The following CNTN4 variants were observed in gnomAD, a reference collection of about 807,000 sequenced individuals.
CNTN4 encodes contactin-4.
A neutral mutation model predicts 122.5 loss-of-function variants in CNTN4; 77 were observed. The ratio of observed to expected loss-of-function variants is 0.63; its 90% CI spans 0.52 to 0.76. CNTN4 has a LOEUF of 0.76. CNTN4 is among the 30% of genes least tolerant of loss of function. The pLI, the probability that CNTN4 is intolerant of heterozygous loss-of-function variation, is 0.00. For synonymous variants in CNTN4, 512 were observed against 447.0 expected, an observed-to-expected ratio of 1.15 and a Z score of -1.83; for missense variants, 1,256 against 1,259.1, an observed-to-expected ratio of 1.00 and a Z score of 0.04.
At chr3:2,100,066 C>G (rs551612566) in intron 1 of CNTN4, among the ~76,000 whole-genome samples, 1 of 152,162 alleles carries the variant, frequency 6.6e-6, no homozygotes, top group Admixed American at 6.5e-5. Flanking sequence ...TCTGCAGATT[C>G]GGTGCGAAGA....
At chr3:2,479,768 G>A (rs542097893) in intron 3 of CNTN4, among the ~76,000 whole-genome samples, 2 of 152,100 alleles carry the variant, frequency 1.3e-5, no homozygotes, top group Non-Finnish European at 2.9e-5. Context: ...GATTTGGACG[G>A]GTGAGCGTGT....
chr3:2,155,203 G>GTC (rs774587982), intron 2 of CNTN4, among the ~76,000 whole-genome samples: 7 of 152,204 alleles, frequency 4.6e-5, no homozygotes, highest in Non-Finnish European at 8.8e-5. Context: ...TCCCATCTCT[G>GTC]TCTCTCTCTA....
intron 4 of CNTN4, among the ~76,000 whole-genome samples, chr3:2,600,176 ATTATATGATTG>A (rs1488415384): frequency 6.6e-6 from 1 of 151,544 alleles, no homozygotes; most frequent in Non-Finnish European, 1.5e-5. Flanking sequence ...TGGGGCTCTA[ATTATATGATTG>A]TTAGACCTTG....
intron 2 of CNTN4, among the ~76,000 whole-genome samples, chr3:2,289,047 C>A (rs2042041804): frequency 6.6e-6 from 1 of 152,110 alleles, no homozygotes; most frequent in South Asian, 2.1e-4. Context: ...TGGAGCTTGG[C>A]CCTATATTCT....
intron 4 of CNTN4, among the ~76,000 whole-genome samples, chr3:2,698,087 G>A (rs12330377): frequency 0.019 from 2,957 of 152,262 alleles, 105 homozygotes; most frequent in African/African-American, 0.067. Flanking sequence ...TGAAAACGCC[G>A]TGGCTAATCT....
chr3:2,950,751 A>G (rs545223858), intron 13 of CNTN4, among the ~76,000 whole-genome samples: 1 of 152,344 alleles, frequency 6.6e-6, no homozygotes, highest in African/African-American at 2.4e-5. Context: ...TTTTAACTCT[A>G]TATGGAGACC....
chr3:2,740,031 T>C (rs2089370279), intron 5 of CNTN4, among the ~76,000 whole-genome samples: 2 of 145,134 alleles, frequency 1.4e-5, no homozygotes, highest in Middle Eastern at 6.9e-3. Flanking sequence ...TCCAAGTACC[T>C]TTTTTTTTCC....
chr3:2,316,386 A>G (rs1395617643), intron 2 of CNTN4, among the ~76,000 whole-genome samples: 1 of 152,116 alleles, frequency 6.6e-6, no homozygotes. Flanking sequence ...AGCTCAAATT[A>G]CACTAAATGA....
At chr3:2,881,121 G>A (rs1190098747) in intron 8 of CNTN4, among the ~76,000 whole-genome samples, 1 of 152,192 alleles carries the variant, frequency 6.6e-6, no homozygotes, top group Non-Finnish European at 1.5e-5. Flanking sequence ...AGCAAAGTTA[G>A]CTAGACTGTA....
intron 13 of CNTN4, among the ~76,000 whole-genome samples, chr3:2,948,885 A>G (rs77123442): frequency 1.3e-5 from 2 of 152,160 alleles, no homozygotes; most frequent in Admixed American, 6.5e-5. Flanking sequence ...GTATTAGACC[A>G]TTTTTAAAAA....
chr3:2,281,523 G>A (rs2041712448), intron 2 of CNTN4, among the ~76,000 whole-genome samples: 1 of 152,060 alleles, frequency 6.6e-6, no homozygotes, highest in South Asian at 2.1e-4. Flanking sequence ...CCTGGCCACT[G>A]TTGAGTTATT....
intron 2 of CNTN4, among the ~76,000 whole-genome samples, chr3:2,149,578 C>T (rs1334346264): frequency 6.6e-6 from 1 of 152,114 alleles, no homozygotes; most frequent in Non-Finnish European, 1.5e-5. Context: ...CATTCTGTAA[C>T]ACTATTTGAT....
intron 14 of CNTN4, chr3:2,998,926 T>TAA (rs1023245966): frequency 5.3e-5 from 8 of 152,222 alleles, no homozygotes; most frequent in Non-Finnish European, 5.9e-5. Context: ...GAAAAGTAGT[T>TAA]ATCACCAGCA....
At chr3:2,358,734 GTAT>G (rs1406190418) in intron 3 of CNTN4, among the ~76,000 whole-genome samples, 3 of 152,060 alleles carry the variant, frequency 2.0e-5, no homozygotes, top group African/African-American at 7.2e-5. Flanking sequence ...AGCTAAAACG[GTAT>G]TATTAATGTC....
At chr3:3,055,160 T>A (rs553912727) in intron 24 of CNTN4, among the ~76,000 whole-genome samples, 1 of 152,178 alleles carries the variant, frequency 6.6e-6, no homozygotes, top group Non-Finnish European at 1.5e-5. Context: ...AATTGGATTA[T>A]ACTTTATCAA....
intron 16 of CNTN4, among the ~76,000 whole-genome samples, chr3:3,033,358 G>T (rs143861354): frequency 6.6e-6 from 1 of 152,268 alleles, no homozygotes; most frequent in African/African-American, 2.4e-5. Context: ...GGAGGGAGAA[G>T]ATAAATTTAG....
chr3:2,210,943 A>T (rs958092513), intron 2 of CNTN4, among the ~76,000 whole-genome samples: 7 of 152,216 alleles, frequency 4.6e-5, no homozygotes, highest in Non-Finnish European at 1.0e-4. Flanking sequence ...AATTTTCCTG[A>T]TAATTGGGTT....
intron 4 of CNTN4, among the ~76,000 whole-genome samples, chr3:2,635,605 A>G (rs533920929): frequency 6.6e-6 from 1 of 152,226 alleles, no homozygotes; most frequent in African/African-American, 2.4e-5. Context: ...CCACAGCAGG[A>G]CTTGTTAGTT....
intron 2 of CNTN4, among the ~76,000 whole-genome samples, chr3:2,206,876 G>A (rs975454525): frequency 1.2e-5 from 1 of 84,116 alleles, no homozygotes; most frequent in African/African-American, 4.8e-5. Flanking sequence ...CGCAGATACT[G>A]CTTTTTTTTT....
Sources: gnomAD v4.1 joint callset for allele counts (sites outside exome capture counted in the v4.1 genomes callset) on GRCh38, gnomAD v4.1.1 for gene constraint, MANE v1.5 for transcripts, NCBI Gene and HGNC (gene_info 2026-07-23, HGNC 2026-07-21) for gene names.